The following CYRIA variants were observed in gnomAD, a reference collection of about 807,000 sequenced individuals.
CYRIA encodes the protein CYFIP related Rac1 interactor A.
Under a neutral mutation model 43.9 loss-of-function variants are expected in CYRIA, and 15 were observed. That is an observed-to-expected ratio of 0.34 (90% CI 0.23 to 0.53). The LOEUF (loss-of-function observed/expected upper bound fraction) is 0.53. Among genes scored for constraint, CYRIA ranks in the 20% least tolerant of loss-of-function variants. The pLI is 0.94. For missense variants in CYRIA, 236 were observed against 394.2 expected, an observed-to-expected ratio of 0.60 and a Z score of 3.40; for synonymous variants, 117 against 136.0, an observed-to-expected ratio of 0.86 and a Z score of 0.97.
intron 1 of CYRIA, among the ~76,000 whole-genome samples, chr2:16,632,988 C>T (rs6747967): frequency 0.55 from 84,212 of 152,056 alleles, 27,449 homozygotes; most frequent in East Asian, 0.95. Flanking sequence ...AGGGGAGCAG[C>T]GGATAGAAGA....
chr2:16,583,573 T>C (rs1667623122), intron 3 of CYRIA, among the ~76,000 whole-genome samples: 1 of 152,192 alleles, frequency 6.6e-6, no homozygotes, highest in Non-Finnish European at 1.5e-5. Flanking sequence ...AACTACTTCA[T>C]TGAAAGGTTA....
At chr2:16,632,954 G>T (rs1669371999) in intron 1 of CYRIA, among the ~76,000 whole-genome samples, 2 of 152,136 alleles carry the variant, frequency 1.3e-5, no homozygotes, top group African/African-American at 4.8e-5. Context: ...TGCAGGAGGG[G>T]GGTGCACACC....
At chr2:16,665,354 G>A (rs1354908802) in intron 1 of CYRIA, among the ~76,000 whole-genome samples, 5 of 151,992 alleles carry the variant, frequency 3.3e-5, no homozygotes, top group African/African-American at 1.2e-4. Context: ...CTGGGGAGGG[G>A]GCCATCCCTC....
At chr2:16,632,162 A>G (rs1368286488) in intron 1 of CYRIA, among the ~76,000 whole-genome samples, 5 of 152,296 alleles carry the variant, frequency 3.3e-5, no homozygotes, top group African/African-American at 1.2e-4. Context: ...CCAGTTCCAC[A>G]TGGCAAGTGA....
intron 2 of CYRIA, among the ~76,000 whole-genome samples, chr2:16,607,040 G>A (rs1668428416): frequency 6.6e-6 from 1 of 152,186 alleles, no homozygotes; most frequent in South Asian, 2.1e-4. Context: ...CATGCTCCGT[G>A]AAATCTCAAG....
chr2:16,590,716 G>A (rs1445130454), intron 2 of CYRIA, among the ~76,000 whole-genome samples: 1 of 152,086 alleles, frequency 6.6e-6, no homozygotes, highest in Non-Finnish European at 1.5e-5. Context: ...ATCAACCAAG[G>A]TTAATTACTT....
intron 9 of CYRIA, 128 bp from the exon 10 acceptor site, chr2:16,559,714 G>T: frequency 1.0e-6 from 1 of 962,996 alleles, no homozygotes; most frequent in Non-Finnish European, 1.5e-6. Context: ...GCAACAACCA[G>T]TTAATATGCT....
intron 1 of CYRIA, among the ~76,000 whole-genome samples, chr2:16,654,155 G>A (rs990826565): frequency 2.6e-5 from 4 of 152,172 alleles, no homozygotes; most frequent in Admixed American, 6.5e-5. Flanking sequence ...AACCCCAAGC[G>A]CTCTATAAAA....
intron 1 of CYRIA, among the ~76,000 whole-genome samples, chr2:16,631,833 C>T (rs760120019): frequency 1.1e-4 from 16 of 152,182 alleles, no homozygotes; most frequent in Non-Finnish European, 1.6e-4. Flanking sequence ...GGTACCATGG[C>T]CACGCTGCAG....
At chr2:16,571,813 T>C (rs1020445206) in intron 3 of CYRIA, among the ~76,000 whole-genome samples, 2 of 152,224 alleles carry the variant, frequency 1.3e-5, no homozygotes, top group African/African-American at 4.8e-5. Flanking sequence ...TCCAATCTCT[T>C]TCCCCTTCAG....
intron 3 of CYRIA, among the ~76,000 whole-genome samples, chr2:16,583,773 G>C (rs1350417784): frequency 3.3e-5 from 5 of 152,188 alleles, no homozygotes; most frequent in Non-Finnish European, 5.9e-5. Flanking sequence ...AGGAAGTAGA[G>C]AGGGAAGAAA....
intron 2 of CYRIA, among the ~76,000 whole-genome samples, chr2:16,617,061 G>A (rs1668821577): frequency 6.6e-6 from 1 of 152,208 alleles, no homozygotes; most frequent in Non-Finnish European, 1.5e-5. Flanking sequence ...CTCTGCAAAT[G>A]TCATCAAGTT....
intron 1 of CYRIA, among the ~76,000 whole-genome samples, chr2:16,632,042 C>A (rs1338981514): frequency 6.6e-6 from 1 of 152,220 alleles, no homozygotes; most frequent in Non-Finnish European, 1.5e-5. Context: ...GCACTATCTA[C>A]AAGGGACACT....
intron 3 of CYRIA, among the ~76,000 whole-genome samples, chr2:16,575,841 G>A (rs1667322246): frequency 6.6e-6 from 1 of 151,634 alleles, no homozygotes; most frequent in African/African-American, 2.4e-5. Context: ...GGGCCACAGA[G>A]CGAGACTCCA....
At chr2:16,575,878 A>AAAATAAAAT (rs1553340520) in intron 3 of CYRIA, among the ~76,000 whole-genome samples, 3 of 147,910 alleles carry the variant, frequency 2.0e-5, no homozygotes, top group African/African-American at 7.5e-5. Flanking sequence ...ATAAATAAAT[A>AAAATAAAAT]AAATAAATAA....
chr2:16,632,146 T>G (rs1426895729), intron 1 of CYRIA, among the ~76,000 whole-genome samples: 1 of 152,208 alleles, frequency 6.6e-6, no homozygotes, highest in Non-Finnish European at 1.5e-5. Context: ...GCAGGAGATC[T>G]GGGTTCCAGT....
chr2:16,614,242 T>C (rs1668701632), intron 2 of CYRIA, among the ~76,000 whole-genome samples: 1 of 152,202 alleles, frequency 6.6e-6, no homozygotes, highest in South Asian at 2.1e-4. Context: ...AGATGGGAGA[T>C]GGACAAAGGT....
At chr2:16,659,045 A>C (rs1670183789) in intron 1 of CYRIA, among the ~76,000 whole-genome samples, 1 of 152,236 alleles carries the variant, frequency 6.6e-6, no homozygotes. Flanking sequence ...TGGGCTGAGC[A>C]AAGGACACCC....
At chr2:16,555,852 C>T (rs1666488646) in intron 10 of CYRIA, among the ~76,000 whole-genome samples, 1 of 152,128 alleles carries the variant, frequency 6.6e-6, no homozygotes, top group Admixed American at 6.5e-5. Flanking sequence ...TGATGAAGGG[C>T]CACTGTTCAG....
Sources: gnomAD v4.1 joint callset for allele counts (sites outside exome capture counted in the v4.1 genomes callset) on GRCh38, gnomAD v4.1.1 for gene constraint, MANE v1.5 for transcripts, NCBI Gene and HGNC (gene_info 2026-07-23, HGNC 2026-07-21) for gene names.